The following CNTLN variants were observed in gnomAD, a reference collection of about 807,000 sequenced individuals.
CNTLN encodes centlein, centrosomal protein.
CNTLN carries 212 observed loss-of-function variants against 180.0 expected under a neutral mutation model. The ratio of observed to expected loss-of-function variants is 1.18; its 90% CI spans 1.05 to 1.32. The LOEUF (loss-of-function observed/expected upper bound fraction) is 1.32, where lower values mean the gene tolerates loss of function less well. Ranked by LOEUF, CNTLN falls within the 40% of genes most tolerant of loss-of-function variation. The probability of loss-of-function intolerance (pLI) is 0.00; values close to 1 mark genes in which losing one functional copy is unlikely to be tolerated. For synonymous variants in CNTLN, 722 were observed against 563.1 expected, an observed-to-expected ratio of 1.28 and a Z score of -3.99; for missense variants, 2,095 against 1,610.9, an observed-to-expected ratio of 1.30 and a Z score of -5.14.
chr9:17,243,179 A>T (rs1825599970), intron 5 of CNTLN, among the ~76,000 whole-genome samples: 2 of 152,012 alleles, frequency 1.3e-5, no homozygotes, highest in South Asian at 4.1e-4. Context: ...TGTAATGTCT[A>T]CTTTTTCATC....
At chr9:17,288,430 A>G (rs953483974) in intron 6 of CNTLN, among the ~76,000 whole-genome samples, 3 of 142,672 alleles carry the variant, frequency 2.1e-5, no homozygotes, top group African/African-American at 8.3e-5. Flanking sequence ...ACTTCCCAGT[A>G]TGTGGTCAAT....
intron 2 of CNTLN, among the ~76,000 whole-genome samples, chr9:17,178,061 G>A (rs1820843244): frequency 6.6e-6 from 1 of 151,376 alleles, no homozygotes; most frequent in Non-Finnish European, 1.5e-5. Context: ...GCTACACACA[G>A]GGTGCTGATT....
At chr9:17,304,758 C>T (rs1486783385) in intron 7 of CNTLN, among the ~76,000 whole-genome samples, 1 of 152,094 alleles carries the variant, frequency 6.6e-6, no homozygotes, top group Non-Finnish European at 1.5e-5. Context: ...AGTATAACAA[C>T]TATTTACATA....
chr9:17,205,549 A>G (rs1822855856), intron 2 of CNTLN, among the ~76,000 whole-genome samples: 1 of 152,152 alleles, frequency 6.6e-6, no homozygotes. Flanking sequence ...GAGTTCCCCT[A>G]AAACACACCA....
At chr9:17,527,699 T>C in the CNTLN span, among the ~76,000 whole-genome samples, 2 of 152,130 alleles carry the variant, frequency 1.3e-5, no homozygotes, top group African/African-American at 4.8e-5. Flanking sequence ...CAAGCACACC[T>C]AGCACTCAGA....
At chr9:17,195,778 ACT>A (rs150776524) in intron 2 of CNTLN, among the ~76,000 whole-genome samples, 2,901 of 151,408 alleles carry the variant, frequency 0.019, 58 homozygotes, top group African/African-American at 0.051. Flanking sequence ...GACTAAAGAA[ACT>A]CTCTTCCCTG....
the CNTLN span, among the ~76,000 whole-genome samples, chr9:17,514,720 G>T: frequency 5.3e-5 from 8 of 152,290 alleles, no homozygotes; most frequent in African/African-American, 1.7e-4. Flanking sequence ...CTGACTGTCA[G>T]CCAAGCCATA....
chr9:17,408,756 G>A (rs1339960103), intron 15 of CNTLN, among the ~76,000 whole-genome samples: 5 of 150,798 alleles, frequency 3.3e-5, no homozygotes, highest in African/African-American at 7.3e-5. Flanking sequence ...AGCCAAGATC[G>A]CGCCACTGCA....
chr9:17,276,138 T>C (rs1489090940), intron 6 of CNTLN, among the ~76,000 whole-genome samples: 1 of 152,094 alleles, frequency 6.6e-6, no homozygotes, highest in East Asian at 1.9e-4. Context: ...AACATAAAAG[T>C]TGAAATTTTG....
intron 10 of CNTLN, among the ~76,000 whole-genome samples, chr9:17,337,079 A>G (rs1587696096): frequency 6.6e-6 from 1 of 151,940 alleles, no homozygotes; most frequent in African/African-American, 2.4e-5. Context: ...GCTTTTTTTC[A>G]TATGTTTGTT....
intron 18 of CNTLN, among the ~76,000 whole-genome samples, chr9:17,431,091 T>C (rs1036859479): frequency 1.3e-5 from 2 of 152,104 alleles, no homozygotes; most frequent in Non-Finnish European, 2.9e-5. Context: ...TTGGATCATA[T>C]GGTAGTTCTA....
intron 5 of CNTLN, among the ~76,000 whole-genome samples, chr9:17,243,019 T>C (rs10962932): frequency 0.21 from 31,245 of 152,090 alleles, 4,086 homozygotes; most frequent in African/African-American, 0.36. Flanking sequence ...TTACCTGTTA[T>C]TGATCTGTTC....
chr9:17,523,264 C>T, the CNTLN span, among the ~76,000 whole-genome samples: 5 of 152,016 alleles, frequency 3.3e-5, no homozygotes, highest in Admixed American at 1.3e-4. Context: ...TGAGATGGAG[C>T]CTCACTCTGT....
intron 12 of CNTLN, among the ~76,000 whole-genome samples, chr9:17,346,370 G>C (rs1232127858): frequency 6.6e-6 from 1 of 152,128 alleles, no homozygotes; most frequent in African/African-American, 2.4e-5. Context: ...CCGTGATCCA[G>C]TCACCTCCCA....
intron 5 of CNTLN, among the ~76,000 whole-genome samples, chr9:17,261,308 TG>T (rs1490690429): frequency 6.6e-6 from 1 of 151,568 alleles, no homozygotes; most frequent in African/African-American, 2.4e-5. Flanking sequence ...TCCATGAGCA[TG>T]GCATATTTTT....
chr9:17,207,894 A>G (rs962072238), intron 2 of CNTLN, among the ~76,000 whole-genome samples: 1 of 152,038 alleles, frequency 6.6e-6, no homozygotes, highest in Non-Finnish European at 1.5e-5. Context: ...CAAATATAAG[A>G]TGATATTTTC....
chr9:17,337,959 A>G (rs1203191710), intron 10 of CNTLN, among the ~76,000 whole-genome samples: 1 of 152,166 alleles, frequency 6.6e-6, no homozygotes, highest in Non-Finnish European at 1.5e-5. Flanking sequence ...AAGTCATTGT[A>G]AAATAAGAGT....
intron 13 of CNTLN, among the ~76,000 whole-genome samples, chr9:17,374,848 G>A (rs113856467): frequency 2.0e-5 from 3 of 150,716 alleles, no homozygotes; most frequent in African/African-American, 7.3e-5. Flanking sequence ...TGACAGAAGT[G>A]AGACTCCATC....
At chr9:17,347,029 C>G (rs1390073323) in intron 12 of CNTLN, among the ~76,000 whole-genome samples, 1 of 152,030 alleles carries the variant, frequency 6.6e-6, no homozygotes, top group East Asian at 1.9e-4. Context: ...TTAATTTTGG[C>G]TATTGTAATT....
Sources: gnomAD v4.1 joint callset for allele counts (sites outside exome capture counted in the v4.1 genomes callset) on GRCh38, gnomAD v4.1.1 for gene constraint, MANE v1.5 for transcripts, NCBI Gene and HGNC (gene_info 2026-07-23, HGNC 2026-07-21) for gene names.